Variants in DDX4 observed in about 807,000 individuals in gnomAD.
DDX4 encodes the protein DEAD-box helicase 4.
A neutral mutation model predicts 100.0 loss-of-function variants in DDX4; 25 were observed. The ratio of observed to expected loss-of-function variants is 0.25; its 90% CI spans 0.18 to 0.35. The LOEUF is 0.35. DDX4 is among the 10% of genes least tolerant of loss of function. The pLI is 1.00. For missense variants in DDX4, 635 were observed against 882.4 expected (o/e 0.72, Z 3.55); for synonymous variants, 259 against 275.7 (o/e 0.94, Z 0.60).
intron 3 of DDX4, among the ~76,000 whole-genome samples, chr5:55,749,126 A>G (rs1759401976): frequency 6.6e-6 from 1 of 152,208 alleles, no homozygotes; most frequent in South Asian, 2.1e-4. Flanking sequence ...CTTGGCTTTA[A>G]AATGTCAATA....
intron 1 of DDX4, 74 bp downstream of exon 1, chr5:55,738,175 C>T (rs1416350851): frequency 6.6e-6 from 1 of 152,316 alleles, no homozygotes; most frequent in Non-Finnish European, 1.5e-5. Flanking sequence ...GACCTTTGGC[C>T]AAAGTGTGGA....
At chr5:55,783,633 A>AGATG (rs59794903) in intron 10 of DDX4, among the ~76,000 whole-genome samples, 19,459 of 146,640 alleles carry the variant, frequency 0.13, 1,368 homozygotes, top group Non-Finnish European at 0.14. Flanking sequence ...AGGAGGGAGG[A>AGATG]GATGGATGGA....
rs1403476593 is a variant in DDX4 at position 55,761,466 on chromosome 5, A to G, written c.205+1189A>G. Reference sequence around the variant, plus strand: ...CAAATTATTTTCATGTTTTAGGTTGAAATACACATAAAATTTCCGATCAGA... The same window carrying G: ...CAAATTATTTTCATGTTTTAGGTTGGAATACACATAAAATTTCCGATCAGA... On this transcript the variant is annotated intron_variant, in intron 4 of 21. Transcript: ENST00000505374. Among the ~76,000 whole-genome samples the G allele has an allele frequency of 2.0e-5, 3 of 152,144 alleles. No homozygotes were observed. In the East Asian group the frequency reaches 5.8e-4, roughly 29 times the overall value.
intron 17 of DDX4, 42 bp from the exon 18 acceptor site, chr5:55,798,384 G>A: frequency 1.3e-6 from 2 of 1,598,226 alleles, no homozygotes; most frequent in African/African-American, 1.3e-5. Flanking sequence ...GGATACTGAT[G>A]GAGAGGAGGA....
intron 18 of DDX4, among the ~76,000 whole-genome samples, chr5:55,802,932 C>T (rs373414502): frequency 4.6e-5 from 7 of 151,566 alleles, no homozygotes; most frequent in African/African-American, 1.7e-4. Context: ...AGCTTATTTT[C>T]TTTCTTTTTT....
At chr5:55,770,858 CAT>C (rs1170906235) in intron 7 of DDX4, among the ~76,000 whole-genome samples, 1 of 152,144 alleles carries the variant, frequency 6.6e-6, no homozygotes, top group Non-Finnish European at 1.5e-5. Context: ...GTTCCTAAAA[CAT>C]AGCTCATATT....
chr5:55,790,456 A>G, intron 15 of DDX4, 120 bp from the exon 16 acceptor site: 1 of 730,968 alleles, frequency 1.4e-6, no homozygotes, highest in South Asian at 1.8e-5. Context: ...AGAATTTAAT[A>G]TTTTTTTAGA....
chr5:55,771,783 A>G (rs1741267498), intron 7 of DDX4, among the ~76,000 whole-genome samples: 1 of 152,126 alleles, frequency 6.6e-6, no homozygotes, highest in Non-Finnish European at 1.5e-5. Context: ...TTTTTGGACT[A>G]ATGGAATGTG....
intron 2 of DDX4, among the ~76,000 whole-genome samples, chr5:55,740,501 AAC>A (rs1229761348): frequency 6.7e-6 from 1 of 148,802 alleles, no homozygotes; most frequent in Admixed American, 6.7e-5. Context: ...GATAGTATAT[AAC>A]AGTAATTTTT....
intron 13 of DDX4, 113 bp downstream of exon 13, chr5:55,785,984 G>C (rs1742221656): frequency 3.1e-6 from 2 of 649,794 alleles, no homozygotes; most frequent in East Asian, 5.6e-5. Flanking sequence ...TCGTATATAA[G>C]GTCTTAGGTT....
At chr5:55,783,639 A>ATGGATGGT (rs1742056512) in intron 10 of DDX4, among the ~76,000 whole-genome samples, 1 of 145,818 alleles carries the variant, frequency 6.9e-6, no homozygotes, top group African/African-American at 2.6e-5. Flanking sequence ...GAGGAGATGG[A>ATGGATGGT]TGGATGGATG....
intron 18 of DDX4, among the ~76,000 whole-genome samples, chr5:55,801,941 G>C (rs1276036088): frequency 1.3e-5 from 2 of 152,182 alleles, no homozygotes; most frequent in African/African-American, 4.8e-5. Flanking sequence ...TGTGGTTCCT[G>C]TCCTGTCAGG....
Position 55,816,774 on chromosome 5 carries a change from T to C in DDX4, c.*234T>C, listed in dbSNP as rs1580620408. ...ACTGGGAATATTAAAGCATTCTAAA[T>C]GTCTTTCTTATTTCTGGTATATTCT... On this transcript the variant is annotated 3_prime_UTR_variant, in exon 22 of 22. Coordinates refer to ENST00000505374, the MANE Select transcript of DDX4 (RefSeq NM_024415.3). 1 of 594,432 alleles carries C rather than the reference T, an allele frequency of 1.7e-6. No homozygotes were observed. The highest frequency in any genetic ancestry group is 4.3e-5 in the South Asian group (1 of 23,000). 36.8% of individuals were successfully genotyped at this position (594,432 alleles called of 1,614,324 possible).
intron 3 of DDX4, among the ~76,000 whole-genome samples, chr5:55,756,640 AT>A (rs939916473): frequency 2.0e-5 from 3 of 151,858 alleles, no homozygotes; most frequent in Non-Finnish European, 2.9e-5. Flanking sequence ...AGTATATGGA[AT>A]TTTTTTTAAG....
chr5:55,785,507 T>A lies in DDX4; in HGVS notation c.721+13T>A. ...AGTGATACTCAAGGTATATTAACATTTGTGTGACTCACATAGAAGTATGTT... is the reference window on the plus strand; with the variant it reads ...AGTGATACTCAAGGTATATTAACATATGTGTGACTCACATAGAAGTATGTT... On this transcript the variant is annotated intron_variant, in intron 12 of 21. Coordinates refer to ENST00000505374, the MANE Select transcript of DDX4 (RefSeq NM_024415.3). The A allele has an allele frequency of 6.4e-7, 1 of 1,568,486 alleles. No homozygotes were observed. Among genetic ancestry groups the A allele is most frequent in the Non-Finnish European group, 8.7e-7 (1 of 1,145,990 alleles).
intron 10 of DDX4, among the ~76,000 whole-genome samples, chr5:55,782,837 C>A (rs1205132900): frequency 1.3e-5 from 2 of 149,598 alleles, no homozygotes; most frequent in African/African-American, 4.9e-5. Flanking sequence ...ACTCTGTCAC[C>A]CAGGTTGGAG....
At chr5:55,739,513 A>G (rs993117525) in intron 2 of DDX4, among the ~76,000 whole-genome samples, 18 of 152,162 alleles carry the variant, frequency 1.2e-4, no homozygotes, top group Non-Finnish European at 1.0e-4. Flanking sequence ...GGGGAGTTAC[A>G]TTGTAATTTA....
intron 18 of DDX4, among the ~76,000 whole-genome samples, chr5:55,808,730 G>A (rs1377601323): frequency 6.6e-6 from 1 of 152,212 alleles, no homozygotes; most frequent in East Asian, 1.9e-4. Context: ...TGCCCCTACT[G>A]GGGGTGCCTC....
intron 18 of DDX4, among the ~76,000 whole-genome samples, chr5:55,811,242 C>T (rs1201766819): frequency 6.6e-6 from 1 of 152,010 alleles, no homozygotes; most frequent in Non-Finnish European, 1.5e-5. Flanking sequence ...TATTTTAACC[C>T]AAGTGTTTTA....
Sources: gnomAD v4.1 joint callset for allele counts (sites outside exome capture counted in the v4.1 genomes callset) on GRCh38, gnomAD v4.1.1 for gene constraint, MANE v1.5 for transcripts, NCBI Gene and HGNC (gene_info 2026-07-23, HGNC 2026-07-21) for gene names.